Variants in TMEM132B observed in about 807,000 individuals in gnomAD.
TMEM132B encodes transmembrane protein 132B.
In TMEM132B, 18 loss-of-function variants were observed where a neutral mutation model predicts 90.8. That is an observed-to-expected ratio of 0.20 (90% CI 0.14 to 0.29). The LOEUF is 0.29. Among genes scored for constraint, TMEM132B ranks in the 10% least tolerant of loss-of-function variants. TMEM132B has a pLI of 1.00. For missense variants in TMEM132B, 1,096 were observed against 1,326.8 expected, an observed-to-expected ratio of 0.83 and a Z score of 2.70; for synonymous variants, 504 against 523.3, an observed-to-expected ratio of 0.96 and a Z score of 0.50.
At chr12:125,269,122 CA>C (rs1241441557) in intron 1 of TMEM132B, among the ~76,000 whole-genome samples, 4 of 152,226 alleles carry the variant, frequency 2.6e-5, no homozygotes, top group South Asian at 4.1e-4. Flanking sequence ...CTTGGGTTCC[CA>C]GATACACCTC....
chr12:125,189,857 T>A (rs1957786172), intron 1 of TMEM132B, among the ~76,000 whole-genome samples: 2 of 152,278 alleles, frequency 1.3e-5, no homozygotes, highest in African/African-American at 4.8e-5. Context: ...GGGGCCTTGT[T>A]CCCAGATGCG....
intron 5 of TMEM132B, among the ~76,000 whole-genome samples, chr12:125,641,271 G>C (rs1025912364): frequency 6.6e-6 from 1 of 152,192 alleles, no homozygotes; most frequent in Non-Finnish European, 1.5e-5. Flanking sequence ...GACCAAAAAA[G>C]GAAGGTACTG....
chr12:125,227,409 C>T (rs1873707764), intron 1 of TMEM132B, among the ~76,000 whole-genome samples: 1 of 152,184 alleles, frequency 6.6e-6, no homozygotes. Flanking sequence ...GGACACACAG[C>T]TCCAGGGTGG....
intron 2 of TMEM132B, among the ~76,000 whole-genome samples, chr12:125,368,071 G>A (rs325100): frequency 0.63 from 95,945 of 152,010 alleles, 31,105 homozygotes; most frequent in East Asian, 0.94. Flanking sequence ...TCTAATTAGA[G>A]TTGACATGTT....
intron 3 of TMEM132B, among the ~76,000 whole-genome samples, chr12:125,447,134 T>C (rs747170901): frequency 6.6e-6 from 1 of 152,370 alleles, no homozygotes; most frequent in African/African-American, 2.4e-5. Context: ...GTTTTAATTA[T>C]ATTTTTGCCA....
At chr12:125,450,203 TTA>T (rs1881112949) in intron 3 of TMEM132B, among the ~76,000 whole-genome samples, 1 of 152,164 alleles carries the variant, frequency 6.6e-6, no homozygotes, top group Non-Finnish European at 1.5e-5. Flanking sequence ...TTCTTCCCTT[TTA>T]AAAGTAGAGA....
At chr12:125,602,288 G>C (rs1288579309) in intron 5 of TMEM132B, among the ~76,000 whole-genome samples, 5 of 152,154 alleles carry the variant, frequency 3.3e-5, no homozygotes, top group Non-Finnish European at 7.4e-5. Context: ...CTTCATCCTT[G>C]GGATGCAAGG....
At chr12:125,549,709 T>C (rs1216929700) in intron 4 of TMEM132B, among the ~76,000 whole-genome samples, 1 of 152,156 alleles carries the variant, frequency 6.6e-6, no homozygotes, top group Non-Finnish European at 1.5e-5. Context: ...TGTTTTCATT[T>C]CCTCCCCTGA....
rs555111480 is a variant in TMEM132B, at chr12:125,403,445, A to G, written c.960-12086A>G. ...CTCAGAGCCCAAATTCCGCAAACTC[A>G]TTACAGTGGTGAGACCATTATCTTT... On this transcript the variant is annotated intron_variant, in intron 2 of 8. Coordinates refer to ENST00000682704, the MANE Select transcript of TMEM132B (RefSeq NM_001366854.1). Among the ~76,000 whole-genome samples, 12 of 152,358 alleles carry G rather than the reference A, an allele frequency of 7.9e-5. No individual in the cohort carries two copies. In the South Asian group the frequency reaches 2.3e-3, roughly 29 times the overall value.
chr12:125,532,805 A>G (rs1883680988), intron 4 of TMEM132B, among the ~76,000 whole-genome samples: 1 of 152,072 alleles, frequency 6.6e-6, no homozygotes. Context: ...GTGAACCACC[A>G]CACCCGGCCT....
intron 5 of TMEM132B, among the ~76,000 whole-genome samples, chr12:125,627,411 C>G (rs1886259144): frequency 6.6e-6 from 1 of 151,964 alleles, no homozygotes; most frequent in African/African-American, 2.4e-5. Flanking sequence ...TCAGAAGATA[C>G]TGAGATGAAT....
intron 1 of TMEM132B, among the ~76,000 whole-genome samples, chr12:125,296,271 C>A (rs1274154658): frequency 6.6e-6 from 1 of 152,226 alleles, no homozygotes; most frequent in Non-Finnish European, 1.5e-5. Context: ...CCTCACTTTT[C>A]TTCCCACCCA....
At chr12:125,651,536 T>C (rs1459079157) in intron 7 of TMEM132B, among the ~76,000 whole-genome samples, 1 of 152,240 alleles carries the variant, frequency 6.6e-6, no homozygotes, top group Non-Finnish European at 1.5e-5. Flanking sequence ...AAGTCAGATT[T>C]TATTGTAGCC....
chr12:125,265,595 GACA>G (rs1420550700), intron 1 of TMEM132B, among the ~76,000 whole-genome samples: 2 of 152,158 alleles, frequency 1.3e-5, no homozygotes, highest in African/African-American at 4.8e-5. Context: ...TGTACAGCCT[GACA>G]ACTTTTGCGA....
At chr12:125,507,623 G>C (rs61943465) in intron 3 of TMEM132B, among the ~76,000 whole-genome samples, 5,258 of 152,244 alleles carry the variant, frequency 0.035, 130 homozygotes, top group Non-Finnish European at 0.056. Flanking sequence ...GCAGCAGCAT[G>C]GCTGGAGCTG....
intron 1 of TMEM132B, among the ~76,000 whole-genome samples, chr12:125,243,863 A>G (rs539966267): frequency 1.3e-5 from 2 of 152,308 alleles, no homozygotes; most frequent in South Asian, 4.1e-4. Context: ...ATGTAGCCAC[A>G]GCATTTGCCT....
intron 4 of TMEM132B, among the ~76,000 whole-genome samples, chr12:125,534,512 G>A (rs770085525): frequency 6.6e-6 from 1 of 152,108 alleles, no homozygotes; most frequent in Non-Finnish European, 1.5e-5. Context: ...GCAAGAACCT[G>A]TCTCAGATTT....
intron 2 of TMEM132B, among the ~76,000 whole-genome samples, chr12:125,391,941 T>C (rs899609766): frequency 6.6e-6 from 1 of 151,994 alleles, no homozygotes; most frequent in African/African-American, 2.4e-5. Context: ...TAAAATTTTA[T>C]TTTTTGTAGA....
intron 3 of TMEM132B, among the ~76,000 whole-genome samples, chr12:125,442,277 CAGAT>C (rs1880896155): frequency 6.7e-6 from 1 of 149,696 alleles, no homozygotes; most frequent in African/African-American, 2.5e-5. Flanking sequence ...AGGGAACCAA[CAGAT>C]AGTTTAAATT....
Sources: gnomAD v4.1 joint callset for allele counts (sites outside exome capture counted in the v4.1 genomes callset) on GRCh38, gnomAD v4.1.1 for gene constraint, MANE v1.5 for transcripts, NCBI Gene and HGNC (gene_info 2026-07-23, HGNC 2026-07-21) for gene names.